Variants in CFAP91 observed in about 807,000 individuals in gnomAD.
The protein encoded by CFAP91 is cilia and flagella associated protein 91.
Under a neutral mutation model 95.9 loss-of-function variants are expected in CFAP91, and 85 were observed. That is an observed-to-expected ratio of 0.89 (90% CI 0.74 to 1.06). CFAP91 has a LOEUF of 1.06. CFAP91 is among the 50% of genes least tolerant of loss of function. CFAP91 has a pLI of 0.00. For missense variants in CFAP91, 962 were observed against 943.4 expected (o/e 1.02, Z -0.26); for synonymous variants, 335 against 327.5 (o/e 1.02, Z -0.25).
chr3:119,730,292 T>A lies in CFAP91; in HGVS notation c.933T>A (p.Asn311Lys). Residue 311 changes from asparagine (N) to lysine (K), a missense_variant, in exon 8 of 18, where the codon AAT becomes AAA. Asn to Lys is a moderately conservative substitution (Grantham distance 94). Coordinates refer to ENST00000273390, the MANE Select transcript of CFAP91 (RefSeq NM_033364.4). ...RKREENQNEV[N>K]MKHLNARWSK... ...GTGAAGAGAATCAGAATGAAGTGAATATGAAGCACTTGAATGCCCGGTGGT... is the reference window on the plus strand; with the variant it reads ...GTGAAGAGAATCAGAATGAAGTGAAAATGAAGCACTTGAATGCCCGGTGGT... 1 of 1,614,042 alleles carries A rather than the reference T, an allele frequency of 6.2e-7. No homozygotes were observed. The highest frequency in any genetic ancestry group is 8.5e-7 in the Non-Finnish European group (1 of 1,179,988).
intron 3 of CFAP91, 67 bp downstream of exon 3, chr3:119,707,628 C>T (rs547339337): frequency 7.1e-7 from 1 of 1,403,472 alleles, no homozygotes; most frequent in African/African-American, 1.4e-5. Flanking sequence ...ATTCATTTAC[C>T]ATGTGTGGTT....
At chr3:119,762,022 C>T (rs2054546129) in intron 17 of CFAP91, among the ~76,000 whole-genome samples, 1 of 151,686 alleles carries the variant, frequency 6.6e-6, no homozygotes, top group Non-Finnish European at 1.5e-5. Flanking sequence ...ATAAAAGGCA[C>T]CCAAATTGGA....
intron 8 of CFAP91, among the ~76,000 whole-genome samples, chr3:119,731,469 G>T (rs892582038): frequency 6.6e-6 from 1 of 152,144 alleles, no homozygotes; most frequent in African/African-American, 2.4e-5. Context: ...ATCAACATTT[G>T]TTTCAGTACT....
chr3:119,737,204 G>A (rs2054026491), intron 10 of CFAP91, among the ~76,000 whole-genome samples, 162 bp from the exon 11 acceptor site: 1 of 152,110 alleles, frequency 6.6e-6, no homozygotes, highest in Non-Finnish European at 1.5e-5. Flanking sequence ...GGTAATGAAG[G>A]AAAATATAGG....
At chr3:119,718,227 G>C (rs2053616534) in intron 6 of CFAP91, among the ~76,000 whole-genome samples, 2 of 152,104 alleles carry the variant, frequency 1.3e-5, no homozygotes, top group Non-Finnish European at 2.9e-5. Flanking sequence ...ATTCTCAAAA[G>C]GATGAGGGGG....
intron 13 of CFAP91, 56 bp from the exon 14 acceptor site, chr3:119,743,916 CTAA>C: frequency 7.0e-7 from 1 of 1,427,818 alleles, no homozygotes; most frequent in Non-Finnish European, 9.5e-7. Flanking sequence ...AGCACTTCTT[CTAA>C]TAATCACCAC....
At chr3:119,739,138 T>C in intron 11 of CFAP91, 117 bp from the exon 12 acceptor site, 1 of 785,748 alleles carries the variant, frequency 1.3e-6, no homozygotes. Context: ...TATTTCTCTT[T>C]AAATCTTTTT....
intron 10 of CFAP91, among the ~76,000 whole-genome samples, chr3:119,736,210 C>T (rs2053999806): frequency 6.6e-6 from 1 of 151,426 alleles, no homozygotes; most frequent in South Asian, 2.1e-4. Context: ...ATAGTGCTCA[C>T]TTCCAATTCC....
chr3:119,745,506 A>T (rs892879807), intron 14 of CFAP91, among the ~76,000 whole-genome samples: 1 of 152,200 alleles, frequency 6.6e-6, no homozygotes, highest in Admixed American at 6.5e-5. Context: ...ACATACATAC[A>T]CGCACAAACG....
chr3:119,707,688 A>G, intron 3 of CFAP91, 127 bp downstream of exon 3: 2 of 556,802 alleles, frequency 3.6e-6, no homozygotes, highest in Non-Finnish European at 5.5e-6. Context: ...TTCTTTCTAA[A>G]CCTCTTTTGA....
In CFAP91 at chr3:119,744,012, G is replaced by A. The variant is rs541308363; in HGVS notation, c.1718G>A (p.Gly573Glu). ...GAAAACCATTTGGCCGGACTGGAAG[G>A]AAGGGCACTAGCAGACATGTTTGAC... Reference protein sequence around the residue: ...LVENHLAGLEGRALADMFDFL... With the variant: ...LVENHLAGLEERALADMFDFL... Residue 573 changes from glycine (G) to glutamate (E), a missense_variant, in exon 14 of 18, where the codon GGA (glycine) becomes GAA (glutamate). Transcript: ENST00000273390. 160 of 1,613,378 alleles carry A rather than the reference G, an allele frequency of 9.9e-5. No homozygotes were observed. Among genetic ancestry groups the A allele is most frequent in the Non-Finnish European group, 1.3e-4 (155 of 1,179,528 alleles).
rs1358331742 is a variant in CFAP91, at chr3:119,747,199, G to A, written c.1987G>A (p.Ala663Thr). The change falls in exon 15 of 18, where the codon GCC (alanine) becomes ACC (threonine). Residue 663 changes from alanine (A) to threonine (T), a missense_variant. Transcript: ENST00000273390. Reference protein sequence around the residue: ...NTEANTAEEQARAEIEKMAEK... With the variant: ...NTEANTAEEQTRAEIEKMAEK... Reference sequence around the variant, plus strand: ...CGAAGCGAATACTGCAGAAGAACAAGCCAGGGCAGAAATAGAGAAGATGGC... The same window carrying A: ...CGAAGCGAATACTGCAGAAGAACAAACCAGGGCAGAAATAGAGAAGATGGC... 3.1e-6 allele frequency: 5 copies of A among 1,613,708 alleles called. No homozygotes were observed. The East Asian group carries it at 6.7e-5, about 22-fold the overall frequency.
At chr3:119,720,410 G>T (rs200885220) in intron 6 of CFAP91, among the ~76,000 whole-genome samples, 1 of 128,802 alleles carries the variant, frequency 7.8e-6, no homozygotes, top group African/African-American at 3.1e-5. Context: ...AAAAAAAAAA[G>T]AAAAGAAAAC....
At chr3:119,714,612 T>C (rs1346265092) in intron 5 of CFAP91, among the ~76,000 whole-genome samples, 6 of 152,330 alleles carry the variant, frequency 3.9e-5, no homozygotes, top group Non-Finnish European at 8.8e-5. Context: ...CATATGTTTG[T>C]TAGAAGTTTT....
At chr3:119,705,444 C>A (rs1430689452) in intron 1 of CFAP91, among the ~76,000 whole-genome samples, 1 of 152,144 alleles carries the variant, frequency 6.6e-6, no homozygotes, top group Non-Finnish European at 1.5e-5. Flanking sequence ...CTCATTTGTC[C>A]TGGTTTCTTT....
At chr3:119,764,624 C>T (rs1005708072) in intron 17 of CFAP91, among the ~76,000 whole-genome samples, 1 of 151,072 alleles carries the variant, frequency 6.6e-6, no homozygotes, top group African/African-American at 2.4e-5. Context: ...CAAACAAATA[C>T]ATATATATAT....
At chr3:119,716,000 T>C (rs1322826534) in intron 6 of CFAP91, 2 of 590,578 alleles carry the variant, frequency 3.4e-6, no homozygotes, top group African/African-American at 3.7e-5. Context: ...CTTTGCTGAC[T>C]ACTCACCTAT....
chr3:119,712,860 C>T (rs2053496824), intron 5 of CFAP91, among the ~76,000 whole-genome samples: 1 of 150,774 alleles, frequency 6.6e-6, no homozygotes, highest in Non-Finnish European at 1.5e-5. Flanking sequence ...GAGGCTGAGT[C>T]AGGACAATCA....
At chr3:119,747,586 C>A in intron 15 of CFAP91, 1 of 575,276 alleles carries the variant, frequency 1.7e-6, no homozygotes, top group Non-Finnish European at 3.0e-6. Context: ...GCTGTGTTTC[C>A]AACATTCCCT....
Sources: gnomAD v4.1 joint callset for allele counts (sites outside exome capture counted in the v4.1 genomes callset) on GRCh38, gnomAD v4.1.1 for gene constraint, MANE v1.5 for transcripts, NCBI Gene and HGNC (gene_info 2026-07-23, HGNC 2026-07-21) for gene names.